MRPL42: variants seen among roughly 807,000 people sequenced by gnomAD.
The protein encoded by MRPL42 is large ribosomal subunit protein mL42.
In MRPL42, 17 loss-of-function variants were observed where a neutral mutation model predicts 17.9. That is an observed-to-expected ratio of 0.95 (90% CI 0.65 to 1.42). The LOEUF (loss-of-function observed/expected upper bound fraction) is 1.42. MRPL42 is among the 40% of genes most tolerant of loss of function. The pLI is 0.00. For synonymous variants in MRPL42, 59 were observed against 54.4 expected, an observed-to-expected ratio of 1.08 and a Z score of -0.37; for missense variants, 177 against 175.2, an observed-to-expected ratio of 1.01 and a Z score of -0.06.
At chr12:93,492,320 G>T (rs1210387219) in intron 5 of MRPL42, among the ~76,000 whole-genome samples, 1 of 152,076 alleles carries the variant, frequency 6.6e-6, no homozygotes, top group African/African-American at 2.4e-5. Flanking sequence ...ATTCTAACTA[G>T]TATCAGCTGG....
chr12:93,485,556 A>G (rs989601506), intron 4 of MRPL42, among the ~76,000 whole-genome samples: 3 of 81,664 alleles, frequency 3.7e-5, no homozygotes, highest in Non-Finnish European at 6.1e-5. Context: ...ATGAATGTAA[A>G]GAAAATATGT....
chr12:93,475,541 A>G (rs902981153), intron 2 of MRPL42, among the ~76,000 whole-genome samples: 31 of 152,356 alleles, frequency 2.0e-4, no homozygotes, highest in African/African-American at 7.5e-4. Flanking sequence ...CACAGGAACA[A>G]GAGGCTCTGT....
Position 93,469,272 on chromosome 12 carries a change from C to T in MRPL42, c.-14C>T. The T allele has an allele frequency of 6.3e-7, 1 of 1,596,844 alleles. No individual in the cohort carries two copies. The highest frequency in any genetic ancestry group is 8.5e-7 in the Non-Finnish European group (1 of 1,172,510). On this transcript the variant is annotated 5_prime_UTR_variant, in exon 2 of 6. Transcript: ENST00000549982. ...ATCTTTTTTCATACCACTTGATAAG[C>T]ATCTTGAAACACCATGGCTGTAGCT...
chr12:93,481,385 T>C (rs1366429365), intron 4 of MRPL42, among the ~76,000 whole-genome samples: 2 of 152,242 alleles, frequency 1.3e-5, no homozygotes, highest in Non-Finnish European at 2.9e-5. Context: ...GGAAGGTATC[T>C]CTGTAGCTCT....
chr12:93,496,544 C>T lies in MRPL42; in HGVS notation c.384-4632C>T, dbSNP rs560917218. ...TGTCATGAAGAAAGTAAGATAAGAG[C>T]AAATAGCAGAGGAAGAGTAAAAGTG... On this transcript the variant is annotated intron_variant, in intron 5 of 5. Coordinates refer to ENST00000549982, the MANE Select transcript of MRPL42 (RefSeq NM_014050.4). Among the ~76,000 whole-genome samples, 17 of 144,864 alleles carry T rather than the reference C, an allele frequency of 1.2e-4. 1 individual carries two copies. The highest frequency in any genetic ancestry group is 4.1e-4 in the African/African-American group (16 of 38,806).
intron 4 of MRPL42, among the ~76,000 whole-genome samples, chr12:93,486,904 TCCTC>T (rs1427528940): frequency 6.6e-6 from 1 of 151,556 alleles, no homozygotes; most frequent in Non-Finnish European, 1.5e-5. Flanking sequence ...ACTGAAGTGA[TCCTC>T]CCACCTTGGC....
intron 5 of MRPL42, among the ~76,000 whole-genome samples, chr12:93,496,643 TAAAA>T (rs35375116): frequency 1.4e-4 from 10 of 70,708 alleles, no homozygotes; most frequent in South Asian, 1.0e-3. Context: ...TCAGATTAGG[TAAAA>T]AAAAAAAAAA....
At chr12:93,470,283 A>G (rs1879846484) in intron 2 of MRPL42, among the ~76,000 whole-genome samples, 1 of 152,168 alleles carries the variant, frequency 6.6e-6, no homozygotes, top group South Asian at 2.1e-4. Flanking sequence ...AAATAAGTAA[A>G]TAGAGTATTA....
chr12:93,501,190 G>A lies in MRPL42; in HGVS notation c.398G>A (p.Arg133His), dbSNP rs375418155. 3.8e-6 allele frequency: 6 copies of A among 1,599,996 alleles called. No individual in the cohort carries two copies. The highest frequency in any genetic ancestry group is 1.7e-5 in the Admixed American group (1 of 57,430). ...WYPHGRYHRC[R>H]KNLNPPKDR ...TTCTTTTCAAGGTATCACAGATGTCGTAAGAATCTGAATCCTCCAAAAGAC... is the reference window on the plus strand; with the variant it reads ...TTCTTTTCAAGGTATCACAGATGTCATAAGAATCTGAATCCTCCAAAAGAC... The change falls in exon 6 of 6, where the codon CGT becomes CAT. Residue 133 changes from arginine to histidine, a missense_variant. Coordinates refer to ENST00000549982, the MANE Select transcript of MRPL42 (RefSeq NM_014050.4).
rs185647510 is a variant in MRPL42 at position 93,480,367 on chromosome 12, T to A, written c.219+895T>A. ...AACTCCTAAGCTTAGGTGATCCGCCTGCCTCGGCCTCCCAAAGCGCTGGGA... is the reference window on the plus strand; with the variant it reads ...AACTCCTAAGCTTAGGTGATCCGCCAGCCTCGGCCTCCCAAAGCGCTGGGA... On this transcript the variant is annotated intron_variant, in intron 4 of 5. Coordinates refer to ENST00000549982, the MANE Select transcript of MRPL42 (RefSeq NM_014050.4). Among the ~76,000 whole-genome samples the A allele has an allele frequency of 2.6e-3, 396 of 152,154 alleles. 4 individuals carry two copies. Among genetic ancestry groups the A allele is most frequent in the African/African-American group, 8.3e-3 (346 of 41,520 alleles).
At chr12:93,485,813 G>T (rs1340049345) in intron 4 of MRPL42, among the ~76,000 whole-genome samples, 1 of 151,746 alleles carries the variant, frequency 6.6e-6, no homozygotes, top group Non-Finnish European at 1.5e-5. Context: ...TTTGTTTTCC[G>T]TTTTGTTTTG....
In MRPL42 at chr12:93,505,047, C is replaced by T. The variant is rs1000458052; in HGVS notation, c.*3826C>T. 2.0e-5 allele frequency: 3 copies of T among 152,110 alleles called. No individual in the cohort carries two copies. Among genetic ancestry groups the T allele is most frequent in the Admixed American group, 6.6e-5 (1 of 15,258 alleles). The allele number at this position is 152,110 out of a possible 1,614,324, so 9.4% of individuals were successfully genotyped here. On this transcript the variant is annotated 3_prime_UTR_variant, in exon 6 of 6. Coordinates refer to ENST00000549982, the MANE Select transcript of MRPL42 (RefSeq NM_014050.4). ...TTGGGGTAGGGGCATCTATGAAATT[C>T]CTGAAATTGTGTAGAATTTTGAGAA... is the stretch of plus-strand genomic sequence containing the variant.
intron 4 of MRPL42, among the ~76,000 whole-genome samples, chr12:93,480,558 T>G (rs80177545): frequency 6.6e-6 from 1 of 151,758 alleles, no homozygotes; most frequent in Non-Finnish European, 1.5e-5. Context: ...TTTTTTTTTT[T>G]TGAGACTGAG....
intron 4 of MRPL42, among the ~76,000 whole-genome samples, chr12:93,485,788 A>G (rs1880713768): frequency 6.6e-6 from 1 of 152,086 alleles, no homozygotes; most frequent in African/African-American, 2.4e-5. Flanking sequence ...TTGACCCTCC[A>G]AGATAGTGAT....
At chr12:93,490,355 C>T (rs753576534) in intron 5 of MRPL42, among the ~76,000 whole-genome samples, 2 of 152,202 alleles carry the variant, frequency 1.3e-5, no homozygotes, top group South Asian at 2.1e-4. Context: ...AATTACTAGG[C>T]GTTTTTTAAT....
At chr12:93,491,821 G>A (rs1029863500) in intron 5 of MRPL42, among the ~76,000 whole-genome samples, 7 of 152,102 alleles carry the variant, frequency 4.6e-5, no homozygotes, top group Non-Finnish European at 7.4e-5. Context: ...CTTTGTGTCC[G>A]TGTGTACCCA....
intron 1 of MRPL42, among the ~76,000 whole-genome samples, chr12:93,468,348 CA>C (rs1322900763): frequency 6.6e-6 from 1 of 152,106 alleles, no homozygotes; most frequent in Non-Finnish European, 1.5e-5. Context: ...CTATTAAAAA[CA>C]AGATTTAACA....
intron 4 of MRPL42, among the ~76,000 whole-genome samples, chr12:93,483,098 T>C (rs1439135359): frequency 6.6e-6 from 1 of 152,180 alleles, no homozygotes; most frequent in Admixed American, 6.6e-5. Flanking sequence ...TTTCGCCATG[T>C]TGGCCAGGCT....
rs1258641320 is a variant in MRPL42 at position 93,515,029 on chromosome 12, CCTT to C, written c.*13812_*13814del. Reference sequence around the variant, plus strand: ...TTCCTTCTGCAGATACACTCTCCACCCTTCTTGATTCCTTTTCGGGAGAAAAGA... The same window carrying C: ...TTCCTTCTGCAGATACACTCTCCACCCTTGATTCCTTTTCGGGAGAAAAGA... On this transcript the variant is annotated 3_prime_UTR_variant, in exon 6 of 6. Coordinates refer to ENST00000549982, the MANE Select transcript of MRPL42 (RefSeq NM_014050.4). The C allele has an allele frequency of 2.0e-5, 3 of 152,156 alleles. No individual in the cohort carries two copies. Among genetic ancestry groups the C allele is most frequent in the African/African-American group, 7.2e-5 (3 of 41,428 alleles). 9.4% of individuals were successfully genotyped at this position (152,156 alleles called of 1,614,324 possible). A position where few individuals can be genotyped will look rare whatever the true frequency, so the allele number is the denominator to read the frequency against.
Sources: allele counts gnomAD v4.1 joint callset (sites outside exome capture counted in the v4.1 genomes callset), GRCh38; gene constraint gnomAD v4.1.1; transcripts MANE v1.5; gene names NCBI Gene and HGNC (gene_info 2026-07-23, HGNC 2026-07-21).